The following HDAC4 variants were observed in gnomAD, a reference collection of about 807,000 sequenced individuals.
HDAC4 encodes the protein histone deacetylase A.
In HDAC4, 16 loss-of-function variants were observed where a neutral mutation model predicts 135.1. The ratio of observed to expected loss-of-function variants is 0.12; its 90% CI spans 0.08 to 0.18. HDAC4 has a LOEUF of 0.18. Among genes scored for constraint, HDAC4 ranks in the 10% least tolerant of loss-of-function variants. The probability of loss-of-function intolerance (pLI) is 1.00; values close to 1 mark genes in which losing one functional copy is unlikely to be tolerated. For missense variants in HDAC4, 1,143 were observed against 1,511.8 expected (o/e 0.76, Z 4.05); for synonymous variants, 685 against 653.4 (o/e 1.05, Z -0.74).
intron 3 of HDAC4, among the ~76,000 whole-genome samples, chr2:239,226,323 T>C (rs565362980): frequency 6.6e-6 from 1 of 152,322 alleles, no homozygotes; most frequent in African/African-American, 2.4e-5. Context: ...AATCATCACT[T>C]AGAACTGTGG....
At chr2:239,347,498 C>T (rs1692799194) in intron 2 of HDAC4, among the ~76,000 whole-genome samples, 1 of 152,174 alleles carries the variant, frequency 6.6e-6, no homozygotes. Context: ...TCTTAAGTTA[C>T]ACACGTTTCC....
chr2:239,230,116 G>A (rs2047455168), intron 3 of HDAC4, among the ~76,000 whole-genome samples: 1 of 152,084 alleles, frequency 6.6e-6, no homozygotes, highest in Non-Finnish European at 1.5e-5. Flanking sequence ...CTGTTTTGAT[G>A]TTAACGCTGG....
At chr2:239,114,773 C>T (rs1437593018) in intron 13 of HDAC4, among the ~76,000 whole-genome samples, 1 of 152,182 alleles carries the variant, frequency 6.6e-6, no homozygotes, top group Non-Finnish European at 1.5e-5. Flanking sequence ...TTACAGCCTA[C>T]AGACAGGAAG....
intron 8 of HDAC4, among the ~76,000 whole-genome samples, chr2:239,142,345 C>T (rs1468088616): frequency 1.3e-5 from 2 of 152,194 alleles, no homozygotes; most frequent in African/African-American, 4.8e-5. Flanking sequence ...TGGGACCACC[C>T]CGCCTAGAAC....
chr2:239,064,839 C>T (rs756280385), intron 24 of HDAC4, among the ~76,000 whole-genome samples: 8 of 152,330 alleles, frequency 5.3e-5, no homozygotes, highest in South Asian at 4.1e-4. Flanking sequence ...GCGTCCTCTG[C>T]GAGGTGCCCT....
intron 2 of HDAC4, among the ~76,000 whole-genome samples, chr2:239,252,633 G>T (rs1282997885): frequency 6.6e-6 from 1 of 152,212 alleles, no homozygotes; most frequent in Non-Finnish European, 1.5e-5. Flanking sequence ...TGGGAAGATG[G>T]TCTGTGCCCG....
intron 19 of HDAC4, chr2:239,085,831 A>C (rs906742512): frequency 4.1e-5 from 6 of 146,718 alleles, no homozygotes; most frequent in African/African-American, 1.5e-4. Context: ...TCTCACGTAC[A>C]ATCTCCTCCC....
At chr2:239,113,764 G>A (rs936758834) in intron 13 of HDAC4, among the ~76,000 whole-genome samples, 6 of 152,272 alleles carry the variant, frequency 3.9e-5, no homozygotes, top group African/African-American at 9.6e-5. Context: ...TGGGCCTGTC[G>A]GACAGGACCT....
intron 2 of HDAC4, among the ~76,000 whole-genome samples, chr2:239,295,733 A>C (rs1254125873): frequency 6.6e-6 from 1 of 152,160 alleles, no homozygotes; most frequent in Non-Finnish European, 1.5e-5. Context: ...TTAAATGGAC[A>C]TCCTCACCAA....
chr2:239,161,870 C>A, intron 6 of HDAC4: 1 of 370,912 alleles, frequency 2.7e-6, no homozygotes, highest in Non-Finnish European at 5.3e-6. Context: ...CGTCCCTCAG[C>A]GCCCTGAGGC....
intron 1 of HDAC4, among the ~76,000 whole-genome samples, chr2:239,379,973 C>G (rs1457416834): frequency 6.6e-6 from 1 of 152,238 alleles, no homozygotes; most frequent in South Asian, 2.1e-4. Flanking sequence ...ACTGCAGGCT[C>G]CATCTGGCCC....
rs953013462 is a variant in HDAC4 at position 239,313,824 on chromosome 2, G to A, written c.22+38854C>T. ...ATATACTCCAAAGACAGGAATTCAA[G>A]GCAGGGCAAATAGAACATGAAAGCC... On this transcript the variant is annotated intron_variant, in intron 2 of 26. Coordinates refer to ENST00000543185, the MANE Select transcript of HDAC4 (RefSeq NM_001378414.1). This position sits in a 1 kb window ranked among gnomAD's most constrained non-coding sequence, Gnocchi z 5.1. Among the ~76,000 whole-genome samples the A allele has an allele frequency of 6.6e-6, 1 of 152,170 alleles. No homozygotes were observed. The highest frequency in any genetic ancestry group is 2.4e-5 in the African/African-American group (1 of 41,444).
chr2:239,234,947 A>G (rs2047796862), intron 3 of HDAC4, among the ~76,000 whole-genome samples: 1 of 152,192 alleles, frequency 6.6e-6, no homozygotes, highest in African/African-American at 2.4e-5. Flanking sequence ...GTTGTCTCAA[A>G]AATGCCCCAG....
chr2:239,340,822 T>C (rs1692254825), intron 2 of HDAC4, among the ~76,000 whole-genome samples: 1 of 152,152 alleles, frequency 6.6e-6, no homozygotes, highest in Admixed American at 6.5e-5. Flanking sequence ...CCCATCCTGA[T>C]GCTGCAAGAC....
At chr2:239,079,721 CGT>C (rs747106793) in intron 22 of HDAC4, among the ~76,000 whole-genome samples, 2 of 151,982 alleles carry the variant, frequency 1.3e-5, no homozygotes, top group Admixed American at 6.6e-5. Context: ...CACAAGCACA[CGT>C]GTGTGTACTC....
intron 2 of HDAC4, among the ~76,000 whole-genome samples, chr2:239,292,630 C>A (rs143016562): frequency 6.6e-6 from 1 of 152,192 alleles, no homozygotes; most frequent in South Asian, 2.1e-4. Context: ...GAACTCGAGC[C>A]AAGTAATGGG....
chr2:239,065,722 C>A (rs2033387690), intron 24 of HDAC4, among the ~76,000 whole-genome samples: 1 of 152,194 alleles, frequency 6.6e-6, no homozygotes, highest in Non-Finnish European at 1.5e-5. Flanking sequence ...CACTGCCCTG[C>A]CCTCCGCTTC....
chr2:239,249,466 C>T (rs950348406), intron 2 of HDAC4, among the ~76,000 whole-genome samples: 3 of 152,088 alleles, frequency 2.0e-5, no homozygotes, highest in East Asian at 1.9e-4. Flanking sequence ...AGAAGCAAGC[C>T]GGAAATCCAA....
chr2:239,382,053 C>A (rs530874638), intron 1 of HDAC4, among the ~76,000 whole-genome samples: 41 of 152,346 alleles, frequency 2.7e-4, no homozygotes, highest in African/African-American at 9.6e-4. Context: ...TCCCTAGGGC[C>A]AAGGGCTCTG....
Sources: allele counts gnomAD v4.1 joint callset (sites outside exome capture counted in the v4.1 genomes callset), GRCh38; gene constraint gnomAD v4.1.1; non-coding constraint Gnocchi (gnomAD v3.1); transcripts MANE v1.5; gene names NCBI Gene and HGNC (gene_info 2026-07-23, HGNC 2026-07-21).